FLRT1: variants seen among roughly 807,000 people sequenced by gnomAD.
The protein encoded by FLRT1 is fibronectin leucine rich transmembrane protein 1, also known as leucine-rich repeat transmembrane protein FLRT1.
FLRT1 carries 14 observed loss-of-function variants against 30.9 expected under a neutral mutation model. That is an observed-to-expected ratio of 0.45 (90% CI 0.30 to 0.71). FLRT1 has a LOEUF of 0.71. Among genes scored for constraint, FLRT1 ranks in the 30% least tolerant of loss-of-function variants. The probability of loss-of-function intolerance (pLI) is 0.08; values close to 1 mark genes in which losing one functional copy is unlikely to be tolerated. For synonymous variants in FLRT1, 368 were observed against 430.4 expected (o/e 0.85, Z 1.80); for missense variants, 737 against 949.2 (o/e 0.78, Z 2.94).
Position 64,116,201 on chromosome 11 carries a change from G to A in FLRT1, c.-49-18G>A. On this transcript the variant is annotated intron_variant, in intron 2 of 2. Coordinates refer to ENST00000682287, the MANE Select transcript of FLRT1 (RefSeq NM_013280.5). ...TCGCCGCCTCCCTCTCACTGCCCCT[G>A]TCCTGTGCTCCTTGCAGGTATTCAG... 25 of 1,541,116 alleles carry A rather than the reference G, an allele frequency of 1.6e-5. No individual in the cohort carries two copies. Among genetic ancestry groups the A allele is most frequent in the Non-Finnish European group, 2.2e-5 (25 of 1,149,906 alleles).
intron 1 of FLRT1, among the ~76,000 whole-genome samples, chr11:64,093,560 ATCCCTCCCAGTCCT>A (rs777010217): frequency 2.0e-4 from 31 of 152,128 alleles, no homozygotes; most frequent in Non-Finnish European, 2.9e-4. Flanking sequence ...TCTTAACTCC[ATCCCTCCCAGTCCT>A]TCCCTCCCAG....
intron 1 of FLRT1, among the ~76,000 whole-genome samples, chr11:64,040,063 A>T (rs188434848): frequency 2.0e-5 from 3 of 152,304 alleles, no homozygotes; most frequent in African/African-American, 7.2e-5. Context: ...TGAGATAATC[A>T]TTGAGCATTA....
At chr11:64,063,130 C>T (rs2134442999) in intron 1 of FLRT1, among the ~76,000 whole-genome samples, 1 of 152,254 alleles carries the variant, frequency 6.6e-6, no homozygotes, top group South Asian at 2.1e-4. Context: ...GCAGAGAGGC[C>T]ACCCTATGGT....
intron 1 of FLRT1, among the ~76,000 whole-genome samples, chr11:64,087,759 G>A (rs575709080): frequency 2.0e-5 from 3 of 152,372 alleles, no homozygotes; most frequent in South Asian, 2.1e-4. Flanking sequence ...CACAGAGCAC[G>A]CTGTGCACGT....
chr11:64,095,399 G>A (rs1013040836), intron 1 of FLRT1, among the ~76,000 whole-genome samples: 7 of 152,130 alleles, frequency 4.6e-5, no homozygotes, highest in Admixed American at 1.3e-4. Flanking sequence ...CATTGCTCTC[G>A]GCCAGAGAGA....
intron 1 of FLRT1, among the ~76,000 whole-genome samples, chr11:64,095,370 G>A (rs1446398546): frequency 1.3e-5 from 2 of 152,152 alleles, no homozygotes; most frequent in Non-Finnish European, 2.9e-5. Flanking sequence ...AAGTCTGGCC[G>A]CCTGGGCCGA....
At position 64,118,875 on chromosome 11, in the gene FLRT1, T is replaced by G. The variant is rs1945046323; in HGVS notation, c.*583T>G. On this transcript the variant is annotated 3_prime_UTR_variant, in exon 3 of 3. Transcript: ENST00000682287. ...TTCCATACCATTTCCCTTGCAGATT[T>G]GCAGAAACATGGCATCTTTCACTGC... 1 of 167,154 alleles carries G rather than the reference T, an allele frequency of 6.0e-6. No individual in the cohort carries two copies. The highest frequency in any genetic ancestry group is 2.4e-5 in the African/African-American group (1 of 41,420). 10.4% of individuals were successfully genotyped at this position (167,154 alleles called of 1,614,324 possible). A position where few individuals can be genotyped will look rare whatever the true frequency, so the allele number is the denominator to read the frequency against.
chr11:64,082,436 G>A lies in FLRT1; in HGVS notation c.-1037-20758G>A, dbSNP rs540415379. 2.6e-5 allele frequency among the ~76,000 whole-genome samples: 4 copies of A among 152,182 alleles called. No homozygotes were observed. The East Asian group carries it at 7.8e-4, about 30-fold the overall frequency. On this transcript the variant is annotated intron_variant, in intron 1 of 2. Transcript: ENST00000682287. This position sits in a 1 kb window ranked among gnomAD's most constrained non-coding sequence, Gnocchi z 4.5. ...GCGTCCTAAGGTGAGGGGCAGGCAG[G>A]TGAGGGGCTTGAGGGCAGGGCTGAG...
intron 1 of FLRT1, among the ~76,000 whole-genome samples, chr11:64,089,696 C>T (rs1944456615): frequency 6.6e-6 from 1 of 152,192 alleles, no homozygotes; most frequent in Non-Finnish European, 1.5e-5. Context: ...AGGGCCTGGA[C>T]AAAGTGGGGC....
intron 1 of FLRT1, among the ~76,000 whole-genome samples, chr11:64,092,874 C>T (rs752652485): frequency 1.7e-4 from 26 of 152,246 alleles, no homozygotes; most frequent in African/African-American, 6.0e-4. Context: ...AATGGGTAAC[C>T]GCTGGAGTGA....
chr11:64,091,413 G>A (rs1944488071), intron 1 of FLRT1, among the ~76,000 whole-genome samples: 1 of 151,884 alleles, frequency 6.6e-6, no homozygotes, highest in African/African-American at 2.4e-5. Context: ...GGGGGCGGGT[G>A]GCACCACCGC....
chr11:64,049,975 C>G (rs1198297841), intron 1 of FLRT1, among the ~76,000 whole-genome samples: 1 of 152,232 alleles, frequency 6.6e-6, no homozygotes, highest in Admixed American at 6.5e-5. Flanking sequence ...TCGCACAGAG[C>G]CAGCCCAGGC....
At chr11:64,078,035 C>T (rs1247279093) in intron 1 of FLRT1, among the ~76,000 whole-genome samples, 2 of 152,226 alleles carry the variant, frequency 1.3e-5, no homozygotes, top group Non-Finnish European at 2.9e-5. Flanking sequence ...GCCCAGGCAT[C>T]GGGCACAGGG....
chr11:64,103,476 A>C lies in FLRT1; in HGVS notation c.-755A>C, dbSNP rs958951379. On this transcript the variant is annotated 5_prime_UTR_variant, in exon 2 of 3. Transcript: ENST00000682287. ...ACCCCCTCCTTTCCCCCGGAGACAC[A>C]GCCTGAGTGGCAGGAATACAGAGCC... 2 of 152,182 alleles carry C rather than the reference A, an allele frequency of 1.3e-5. No homozygotes were observed. The highest frequency in any genetic ancestry group is 2.9e-5 in the Non-Finnish European group (2 of 68,116). The allele number at this position is 152,182 out of a possible 1,614,324, so 9.4% of individuals were successfully genotyped here.
intron 1 of FLRT1, among the ~76,000 whole-genome samples, chr11:64,081,126 ATTC>A (rs1442414784): frequency 6.6e-6 from 1 of 152,154 alleles, no homozygotes; most frequent in African/African-American, 2.4e-5. Flanking sequence ...GGTTCAGACA[ATTC>A]TTCTGCCTCA....
chr11:64,038,515 G>A (rs535591695), intron 1 of FLRT1, among the ~76,000 whole-genome samples: 3 of 152,308 alleles, frequency 2.0e-5, no homozygotes, highest in Admixed American at 2.0e-4. Flanking sequence ...AGAGCCCAGA[G>A]GCCAGCACGG....
chr11:64,117,773 C>T lies in FLRT1; in HGVS notation c.1506C>T (p.Thr502=). The change falls in exon 3 of 3, where the codon ACC becomes ACT. Residue 502 remains threonine, a synonymous_variant. Coordinates refer to ENST00000682287, the MANE Select transcript of FLRT1 (RefSeq NM_013280.5). ...TGACAGCCCTGGAGCCCAAGTCCAC[C>T]TACATCATCTGCATGGTCACCATGG... is the stretch of plus-strand genomic sequence containing the variant. ...YLLTALEPKS[T]YIICMVTMET... is the part of the protein sequence containing the mutation. 6.2e-7 allele frequency: 1 copy of T among 1,614,136 alleles called. No homozygotes were observed. The highest frequency in any genetic ancestry group is 8.5e-7 in the Non-Finnish European group (1 of 1,180,046).
chr11:64,057,448 G>A (rs1943810437), intron 1 of FLRT1, among the ~76,000 whole-genome samples: 1 of 152,198 alleles, frequency 6.6e-6, no homozygotes, highest in Non-Finnish European at 1.5e-5. Flanking sequence ...ACAGAGAGAG[G>A]CCAGACCCAG....
intron 1 of FLRT1, among the ~76,000 whole-genome samples, chr11:64,093,033 G>A (rs34098043): frequency 0.1 from 15,159 of 152,206 alleles, 881 homozygotes; most frequent in Non-Finnish European, 0.13. Context: ...GTGGCCTTGA[G>A]GACCCGGAGT....
Sources: allele counts gnomAD v4.1 joint callset (sites outside exome capture counted in the v4.1 genomes callset), GRCh38; gene constraint gnomAD v4.1.1; non-coding constraint Gnocchi (gnomAD v3.1); transcripts MANE v1.5; gene names NCBI Gene and HGNC (gene_info 2026-07-23, HGNC 2026-07-21).